Variants in FAM186A observed in about 807,000 individuals in gnomAD.
FAM186A encodes protein FAM186A.
A neutral mutation model predicts 216.8 loss-of-function variants in FAM186A; 163 were observed. The observed-to-expected ratio is 0.75, with a 90% confidence interval of 0.66 to 0.86. The LOEUF is 0.86. FAM186A is among the 40% of genes least tolerant of loss of function. The probability of loss-of-function intolerance (pLI) is 0.00; values close to 1 mark genes in which losing one functional copy is unlikely to be tolerated. For synonymous variants in FAM186A, 805 were observed against 1,025.3 expected, an observed-to-expected ratio of 0.79 and a Z score of 4.10; for missense variants, 2,184 against 2,746.2, an observed-to-expected ratio of 0.80 and a Z score of 4.58.
rs758890995 is a variant in FAM186A at position 50,350,529 on chromosome 12, T to C, written c.6303A>G (p.Glu2101=). The C allele has an allele frequency of 2.1e-5, 33 of 1,551,562 alleles. No homozygotes were observed. The South Asian group carries it at 3.7e-4, about 17-fold the overall frequency. Residue 2101 remains glutamate (E), a synonymous_variant, in exon 4 of 8, where the codon GAA becomes GAG. Transcript: ENST00000327337. The part of the protein sequence containing the change: ...MVPPSSPQEL[E]EKRYFVDVEA... ...CCACATCAACAAAATACCTCTTTTC[T>C]TCAAGTTCTTGAGGAGAGGAAGGGG...
chr12:50,362,097 C>T (rs1183291952), intron 2 of FAM186A, among the ~76,000 whole-genome samples: 5 of 151,956 alleles, frequency 3.3e-5, no homozygotes, highest in South Asian at 2.1e-4. Context: ...CTCAGCCTCC[C>T]GAGTAGCTGG....
chr12:50,338,054 A>T (rs1024909386), intron 4 of FAM186A, among the ~76,000 whole-genome samples: 1 of 152,136 alleles, frequency 6.6e-6, no homozygotes, highest in Admixed American at 6.5e-5. Flanking sequence ...ACTTACGTTG[A>T]TAAAACATTG....
rs1429409783 is a variant in FAM186A, at chr12:50,330,778, T to A, written c.6849-20A>T. On this transcript the variant is annotated intron_variant, in intron 6 of 7. Coordinates refer to ENST00000327337, the MANE Select transcript of FAM186A (RefSeq NM_001145475.3). ...TGTTGCCTACAGAATCAGCATAAAT[T>A]GGGAACGCCAAATTCTCCTGAGCTC... The A allele has an allele frequency of 6.7e-7, 1 of 1,498,980 alleles. No individual in the cohort carries two copies. Among genetic ancestry groups the A allele is most frequent in the African/African-American group, 1.4e-5 (1 of 70,062 alleles). The allele number at this position is 1,498,980 out of a possible 1,614,324, so 92.9% of individuals were successfully genotyped here. A position where few individuals can be genotyped will look rare whatever the true frequency, so the allele number is the denominator to read the frequency against.
chr12:50,395,606 G>A lies in FAM186A; in HGVS notation c.192+687C>T, dbSNP rs553703630. Among the ~76,000 whole-genome samples the A allele has an allele frequency of 5.9e-5, 9 of 151,964 alleles. No individual in the cohort carries two copies. In the East Asian group the frequency reaches 9.7e-4, roughly 16 times the overall value. The stretch of plus-strand genomic sequence containing the variant: ...ATTACAGGCATAAGCCACCGCACCC[G>A]GCTGACATTATGTAAACACTCTTTC... On this transcript the variant is annotated intron_variant, in intron 1 of 7. Transcript: ENST00000327337.
Position 50,350,677 on chromosome 12 carries a change from G to C in FAM186A, c.6155C>G (p.Thr2052Ser). 1 of 1,551,670 alleles carries C rather than the reference G, an allele frequency of 6.4e-7. No individual in the cohort carries two copies. ...TGAAATCTGTGATGTTCTGAGTAGA[G>C]TAGTGAGAGAAGATGGTGATGTTGT... ...KPTTSPSSLT[T>S]LLRTSQISPL... Residue 2052 changes from threonine (T) to serine (S), a missense_variant, in exon 4 of 8, where the codon ACT (threonine) becomes AGT (serine). Coordinates refer to ENST00000327337, the MANE Select transcript of FAM186A (RefSeq NM_001145475.3).
chr12:50,384,740 C>T (rs1041903995), intron 1 of FAM186A, among the ~76,000 whole-genome samples: 3 of 151,976 alleles, frequency 2.0e-5, no homozygotes, highest in Non-Finnish European at 2.9e-5. Flanking sequence ...TGGATATCCA[C>T]GTACAGAAGA....
At position 50,355,239 on chromosome 12, in the gene FAM186A, C is replaced by G; in HGVS notation, c.1593G>C (p.Lys531Asn). ...KRKHLSLTET[K>N]SQGGKSGTSM... ...TTGTTCCACTTTTGCCACCTTGGCT[C>G]TTTGTTTCAGTTAAAGAGAGATGTT... The change falls in exon 4 of 8, where the codon AAG becomes AAC. Residue 531 changes from lysine to asparagine, a missense_variant. By Grantham distance (94) the Lys-to-Asn change is moderately conservative. This residue lies in a region of FAM186A where 1,132 missense variants were observed against 1,263.4 expected (regional missense o/e 0.90). Coordinates refer to ENST00000327337, the MANE Select transcript of FAM186A (RefSeq NM_001145475.3). 2 of 1,551,654 alleles carry G rather than the reference C, an allele frequency of 1.3e-6. No homozygotes were observed. The highest frequency in any genetic ancestry group is 3.9e-5 in the Admixed American group (2 of 50,990).
chr12:50,342,466 T>A (rs1455667461), intron 4 of FAM186A, among the ~76,000 whole-genome samples: 9 of 151,342 alleles, frequency 5.9e-5, no homozygotes. Flanking sequence ...TTTTTTATTT[T>A]ATTTTATTTT....
At chr12:50,344,219 G>A (rs1354041618) in intron 4 of FAM186A, among the ~76,000 whole-genome samples, 5 of 152,080 alleles carry the variant, frequency 3.3e-5, no homozygotes, top group African/African-American at 4.8e-5. Context: ...CCATCACGCA[G>A]GTTATGACCA....
intron 6 of FAM186A, 137 bp from the exon 7 acceptor site, chr12:50,330,895 C>T (rs914656844): frequency 9.1e-6 from 6 of 656,978 alleles, no homozygotes; most frequent in Non-Finnish European, 1.4e-5. Flanking sequence ...ATTAGCTATG[C>T]CCACTTTGAC....
At chr12:50,348,758 A>G (rs1189952832) in intron 4 of FAM186A, among the ~76,000 whole-genome samples, 4 of 151,912 alleles carry the variant, frequency 2.6e-5, no homozygotes, top group South Asian at 4.1e-4. Context: ...GGGTTTCACC[A>G]TATTGGCCAG....
At chr12:50,387,716 T>C (rs558540879) in intron 1 of FAM186A, among the ~76,000 whole-genome samples, 2 of 152,294 alleles carry the variant, frequency 1.3e-5, no homozygotes, top group East Asian at 1.9e-4. Context: ...TCCTCCTTAC[T>C]GTACACAAGG....
In FAM186A at chr12:50,350,549, A is replaced by T; in HGVS notation, c.6283T>A (p.Ser2095Thr). 3.2e-6 allele frequency: 5 copies of T among 1,551,566 alleles called. No individual in the cohort carries two copies. The highest frequency in any genetic ancestry group is 4.4e-6 in the Non-Finnish European group (5 of 1,146,974). The change falls in exon 4 of 8, where the codon TCC becomes ACC. Residue 2095 changes from serine (S) to threonine (T), a missense_variant. This residue lies in a region of FAM186A where 721 missense variants were observed against 816.4 expected (regional missense o/e 0.88). Coordinates refer to ENST00000327337, the MANE Select transcript of FAM186A (RefSeq NM_001145475.3). ...TTTTCTTCAAGTTCTTGAGGAGAGG[A>T]AGGGGGCACCATTACTTTGGGTTTC... ...TKKPKVMVPPSSPQELEEKRY... is the reference protein window; with the variant it reads ...TKKPKVMVPPTSPQELEEKRY...
At chr12:50,361,635 A>G (rs1261163020) in intron 2 of FAM186A, among the ~76,000 whole-genome samples, 1 of 145,454 alleles carries the variant, frequency 6.9e-6, no homozygotes, top group Non-Finnish European at 1.5e-5. Context: ...CAGTGGTGCA[A>G]TCTCAGCTCA....
rs531359860 is a variant in FAM186A at position 50,353,699 on chromosome 12, G to A, written c.3133C>T (p.Pro1045Ser). The A allele has an allele frequency of 3.2e-6, 5 of 1,539,904 alleles. No individual in the cohort carries two copies. Among genetic ancestry groups the A allele is most frequent in the East Asian group, 4.9e-5 (2 of 40,876 alleles). Reference protein sequence around the residue: ...TLENLPDEKEPISITPPPSLQ... With the variant: ...TLENLPDEKESISITPPPSLQ... The stretch of plus-strand genomic sequence containing the variant: ...GAGGGGGGAGGTGTGATTGATATGG[G>A]CTCCTTTTCATCAGGAAGGTTCTCT... The change falls in exon 4 of 8, where the codon CCC becomes TCC. Residue 1045 changes from proline (P) to serine (S), a missense_variant. Coordinates refer to ENST00000327337, the MANE Select transcript of FAM186A (RefSeq NM_001145475.3).
intron 1 of FAM186A, among the ~76,000 whole-genome samples, chr12:50,394,520 C>A (rs528485076): frequency 6.6e-6 from 1 of 151,918 alleles, no homozygotes; most frequent in African/African-American, 2.4e-5. Flanking sequence ...CGCCACTGCA[C>A]TCAGCCTGAA....
At chr12:50,381,953 C>T (rs1943257208) in intron 1 of FAM186A, among the ~76,000 whole-genome samples, 1 of 151,264 alleles carries the variant, frequency 6.6e-6, no homozygotes, top group Admixed American at 6.6e-5. Flanking sequence ...AGGAGAAAAC[C>T]ATCCAGGTCA....
intron 4 of FAM186A, among the ~76,000 whole-genome samples, chr12:50,346,764 G>A (rs1248298303): frequency 1.3e-5 from 2 of 151,952 alleles, no homozygotes; most frequent in African/African-American, 2.4e-5. Context: ...GGAGAATGGC[G>A]TGAATGCGGG....
In FAM186A at chr12:50,331,782, G is replaced by C. The variant is rs1422191579; in HGVS notation, c.6736C>G (p.Pro2246Ala). Residue 2246 changes from proline to alanine, a missense_variant, in exon 6 of 8, where the codon CCC becomes GCC. By Grantham distance (27) the Pro-to-Ala change is conservative. Around this residue, in one of 7 missense-constraint regions of FAM186A, gnomAD observed 721 missense variants for 816.4 expected, o/e 0.88. Transcript: ENST00000327337. ...ATCTGCTTTTCTTCGATGATTAAGG[G>C]GATAGGTTGACTAAGATTCAATTCA... Reference protein sequence around the residue: ...IHELNLSQPIPLIIEEKQIPA... With the variant: ...IHELNLSQPIALIIEEKQIPA... 6 of 1,544,682 alleles carry C rather than the reference G, an allele frequency of 3.9e-6. No individual in the cohort carries two copies. The African/African-American group carries it at 6.9e-5, about 18-fold the overall frequency.
Sources: allele counts gnomAD v4.1 joint callset (sites outside exome capture counted in the v4.1 genomes callset), GRCh38; gene constraint gnomAD v4.1.1; regional missense constraint gnomAD v4.1.1; transcripts MANE v1.5; gene names NCBI Gene and HGNC (gene_info 2026-07-23, HGNC 2026-07-21).